Variants in EVI5 observed in about 807,000 individuals in gnomAD.
EVI5 encodes the protein ecotropic viral integration site 5 protein homolog.
A neutral mutation model predicts 112.0 loss-of-function variants in EVI5; 73 were observed. The ratio of observed to expected loss-of-function variants is 0.65; its 90% CI spans 0.54 to 0.79. The LOEUF (loss-of-function observed/expected upper bound fraction) is 0.79, where lower values mean the gene tolerates loss of function less well. Among genes scored for constraint, EVI5 ranks in the 30% least tolerant of loss-of-function variants. The pLI, the probability that EVI5 is intolerant of heterozygous loss-of-function variation, is 0.00. For missense variants in EVI5, 900 were observed against 968.8 expected (o/e 0.93, Z 0.94); for synonymous variants, 305 against 319.9 (o/e 0.95, Z 0.50).
At chr1:92,584,668 C>A (rs1045783941) in intron 18 of EVI5, among the ~76,000 whole-genome samples, 41 of 152,270 alleles carry the variant, frequency 2.7e-4, no homozygotes, top group African/African-American at 9.9e-4. Context: ...ATACTCATAT[C>A]ATGTACTACT....
At chr1:92,686,088 A>G (rs572355566) in intron 9 of EVI5, among the ~76,000 whole-genome samples, 18 of 152,342 alleles carry the variant, frequency 1.2e-4, no homozygotes, top group Non-Finnish European at 2.2e-4. Flanking sequence ...TGGTAGAGAC[A>G]CAACAAAAAA....
chr1:92,776,025 G>A (rs897139335), intron 1 of EVI5, among the ~76,000 whole-genome samples: 14 of 151,116 alleles, frequency 9.3e-5, no homozygotes, highest in African/African-American at 2.7e-4. Context: ...GGAGAATGGC[G>A]TGAACCCGGG....
At position 92,693,733 on chromosome 1, in the gene EVI5, A is replaced by T. The variant is rs1460904294; in HGVS notation, c.1097+69T>A. ...AATAATATAGTTCTATAACCTAAGGAGGAAAACTGTATCACTAGAATGTTT... is the reference window on the plus strand; with the variant it reads ...AATAATATAGTTCTATAACCTAAGGTGGAAAACTGTATCACTAGAATGTTT... On this transcript the variant is annotated intron_variant, in intron 9 of 19. Transcript: ENST00000684568. 10 of 810,634 alleles carry T rather than the reference A, an allele frequency of 1.2e-5. No individual in the cohort carries two copies. The East Asian group carries it at 2.2e-4, about 18-fold the overall frequency. The allele number at this position is 810,634 out of a possible 1,614,324, so 50.2% of individuals were successfully genotyped here. A position where few individuals can be genotyped will look rare whatever the true frequency, so the allele number is the denominator to read the frequency against.
intron 13 of EVI5, among the ~76,000 whole-genome samples, chr1:92,651,256 T>C (rs147160156): frequency 6.7e-4 from 102 of 152,344 alleles, no homozygotes; most frequent in Non-Finnish European, 1.2e-3. Flanking sequence ...AAATACAAAG[T>C]ATTTACACAA....
chr1:92,595,758 A>G (rs1647629193), intron 18 of EVI5, among the ~76,000 whole-genome samples: 1 of 152,142 alleles, frequency 6.6e-6, no homozygotes. Flanking sequence ...AGCAGGAAGG[A>G]TCTTACAAGG....
At chr1:92,545,961 G>A (rs371516934) in intron 19 of EVI5, among the ~76,000 whole-genome samples, 1 of 151,608 alleles carries the variant, frequency 6.6e-6, no homozygotes, top group Non-Finnish European at 1.5e-5. Context: ...CACGATTTAG[G>A]CAGCCCCATG....
rs1012956121 is a variant in EVI5, at chr1:92,629,804, T to C, written c.1528-3870A>G. 1.2e-4 allele frequency among the ~76,000 whole-genome samples: 18 copies of C among 150,616 alleles called. 2 individuals carry two copies. The highest frequency in any genetic ancestry group is 1.1e-3 in the Admixed American group (17 of 15,136). On this transcript the variant is annotated intron_variant, in intron 14 of 19. Transcript: ENST00000684568. Reference sequence around the variant, plus strand: ...TAACATTAGGTATATCTCCTAATGCTATCCCTCCACCCTCCCCCCACCCCA... The same window carrying C: ...TAACATTAGGTATATCTCCTAATGCCATCCCTCCACCCTCCCCCCACCCCA...
chr1:92,778,837 T>C (rs920831408), intron 1 of EVI5, among the ~76,000 whole-genome samples: 1 of 152,230 alleles, frequency 6.6e-6, no homozygotes, highest in African/African-American at 2.4e-5. Flanking sequence ...GCTCTACATC[T>C]TATATCGGTT....
chr1:92,739,647 T>C (rs1306911418), intron 1 of EVI5, among the ~76,000 whole-genome samples: 2 of 152,148 alleles, frequency 1.3e-5, no homozygotes, highest in Non-Finnish European at 2.9e-5. Context: ...ACTATTACAA[T>C]AGTTGAATAC....
At chr1:92,577,762 C>T (rs1415820669) in intron 18 of EVI5, among the ~76,000 whole-genome samples, 1 of 152,168 alleles carries the variant, frequency 6.6e-6, no homozygotes, top group African/African-American at 2.4e-5. Context: ...CTTCATTTTG[C>T]TCATGAGACA....
chr1:92,563,169 T>C (rs1226701460), intron 19 of EVI5, among the ~76,000 whole-genome samples: 1 of 152,134 alleles, frequency 6.6e-6, no homozygotes, highest in African/African-American at 2.4e-5. Context: ...ATTCAGATAC[T>C]AAGAAATCTG....
intron 1 of EVI5, chr1:92,792,315 TAAA>T: frequency 3.4e-6 from 5 of 1,465,088 alleles, no homozygotes; most frequent in Middle Eastern, 1.7e-4. Context: ...AGTTTTAATA[TAAA>T]ATCAAACATC....
chr1:92,591,090 C>G (rs1673784798), intron 18 of EVI5, among the ~76,000 whole-genome samples: 1 of 152,138 alleles, frequency 6.6e-6, no homozygotes, highest in African/African-American at 2.4e-5. Flanking sequence ...ACCAGGCCTG[C>G]CCTAAAAGAG....
In EVI5 at chr1:92,694,156, G is replaced by A. The variant is rs893165666; in HGVS notation, c.999+143C>T. 2.9e-5 allele frequency: 18 copies of A among 615,082 alleles called. 1 individual carries two copies. Among genetic ancestry groups the A allele is most frequent in the Admixed American group, 2.1e-4 (7 of 32,602 alleles). 38.1% of individuals were successfully genotyped at this position (615,082 alleles called of 1,614,324 possible). A position where few individuals can be genotyped will look rare whatever the true frequency, so the allele number is the denominator to read the frequency against. On this transcript the variant is annotated intron_variant, in intron 8 of 19. Transcript: ENST00000684568. ...GCATGCTTGTAATTCCAGCTACACAGAAGGCTGAAGCGGTAGGAGGATCAC... is the reference window on the plus strand; with the variant it reads ...GCATGCTTGTAATTCCAGCTACACAAAAGGCTGAAGCGGTAGGAGGATCAC...
intron 2 of EVI5, among the ~76,000 whole-genome samples, chr1:92,706,226 G>C (rs966710570): frequency 3.3e-5 from 5 of 151,680 alleles, no homozygotes; most frequent in Admixed American, 3.3e-4. Context: ...TCAGAACAAG[G>C]TCTCTGAGGA....
At chr1:92,745,743 C>T (rs1679165144) in intron 1 of EVI5, among the ~76,000 whole-genome samples, 1 of 152,066 alleles carries the variant, frequency 6.6e-6, no homozygotes. Context: ...GAGCATAAAG[C>T]TGCAGTGAGC....
chr1:92,751,969 T>C (rs774263562), intron 1 of EVI5, among the ~76,000 whole-genome samples: 7 of 151,950 alleles, frequency 4.6e-5, no homozygotes, highest in Non-Finnish European at 1.0e-4. Flanking sequence ...TGAGCCAAGA[T>C]CACGCCACTG....
intron 17 of EVI5, among the ~76,000 whole-genome samples, chr1:92,606,922 A>ACACACACC (rs1166280187): frequency 3.1e-5 from 4 of 129,076 alleles, no homozygotes; most frequent in African/African-American, 1.3e-4. Context: ...ACACACACAC[A>ACACACACC]CCCCCCCAAA....
chr1:92,629,938 T>C (rs1274323881), intron 14 of EVI5, among the ~76,000 whole-genome samples: 5 of 151,992 alleles, frequency 3.3e-5, no homozygotes, highest in Admixed American at 6.6e-5. Flanking sequence ...GTCCTTGTGA[T>C]AGTTTGCTGA....
Sources: allele counts gnomAD v4.1 joint callset (sites outside exome capture counted in the v4.1 genomes callset), GRCh38; gene constraint gnomAD v4.1.1; transcripts MANE v1.5; gene names NCBI Gene and HGNC (gene_info 2026-07-23, HGNC 2026-07-21).